Variants in CHIC1 observed in about 807,000 individuals in gnomAD.
CHIC1 encodes cysteine-rich hydrophobic domain-containing protein 1.
In CHIC1, 7 loss-of-function variants were observed where a neutral mutation model predicts 18.5. The ratio of observed to expected loss-of-function variants is 0.38; its 90% CI spans 0.22 to 0.71. The LOEUF is 0.71. CHIC1 is among the 30% of genes least tolerant of loss of function. The pLI is 0.49. For synonymous variants in CHIC1, 77 were observed against 73.5 expected, an observed-to-expected ratio of 1.05 and a Z score of -0.25; for missense variants, 159 against 176.9, an observed-to-expected ratio of 0.90 and a Z score of 0.57.
intron 3 of CHIC1, among the ~76,000 whole-genome samples, chrX:73,669,488 C>T (rs909302937): frequency 2.7e-5 from 3 of 110,558 alleles, no homozygotes; most frequent in Non-Finnish European, 5.7e-5. Flanking sequence ...GGTGACCCTC[C>T]TCCTCCACCC....
chrX:73,673,960 G>C (rs142502985), intron 3 of CHIC1, among the ~76,000 whole-genome samples: 4,469 of 111,630 alleles, frequency 0.04, 115 homozygotes, highest in Non-Finnish European at 0.064. Flanking sequence ...TAGCATGAAG[G>C]GTTGTTGAAT....
chrX:73,674,654 A>G (rs1309695228), intron 3 of CHIC1, among the ~76,000 whole-genome samples: 2 of 111,213 alleles, frequency 1.8e-5, no homozygotes, highest in East Asian at 2.8e-4. Context: ...CTAGCGGTCT[A>G]TCAATTTTGT....
intron 3 of CHIC1, among the ~76,000 whole-genome samples, chrX:73,637,386 G>A (rs981254490): frequency 1.5e-4 from 16 of 108,628 alleles, no homozygotes; most frequent in African/African-American, 5.0e-4. Context: ...ACATCATTGA[G>A]CTTGGATTTG....
intron 3 of CHIC1, among the ~76,000 whole-genome samples, chrX:73,668,853 C>T (rs1038299728): frequency 8.9e-6 from 1 of 112,614 alleles, no homozygotes; most frequent in Admixed American, 9.4e-5. Flanking sequence ...AGCATTCTGG[C>T]TGCATTTTGG....
chrX:73,642,089 G>A (rs995880338), intron 3 of CHIC1, among the ~76,000 whole-genome samples: 11 of 111,612 alleles, frequency 9.9e-5, no homozygotes, highest in African/African-American at 6.5e-5. Context: ...CTGAGGAATC[G>A]CCACACTGAC....
chrX:73,663,992 C>G (rs902785072), intron 3 of CHIC1, among the ~76,000 whole-genome samples: 1 of 111,634 alleles, frequency 9.0e-6, no homozygotes, highest in East Asian at 2.8e-4. Flanking sequence ...ATCCCAGTTG[C>G]AACCCTTTTA....
At chrX:73,633,646 C>T (rs2057818404) in intron 3 of CHIC1, among the ~76,000 whole-genome samples, 1 of 110,936 alleles carries the variant, frequency 9.0e-6, no homozygotes, top group African/African-American at 3.3e-5. Context: ...TTTTTCTGCT[C>T]CTTCATTGAC....
At chrX:73,609,375 C>A (rs1326847396) in intron 3 of CHIC1, among the ~76,000 whole-genome samples, 2 of 107,879 alleles carry the variant, frequency 1.9e-5, no homozygotes, top group African/African-American at 3.6e-5. Context: ...GAGTAAGTTT[C>A]TTTCCATTCC....
chrX:73,650,647 G>A (rs1164938631), intron 3 of CHIC1, among the ~76,000 whole-genome samples: 1 of 94,594 alleles, frequency 1.1e-5, no homozygotes, highest in African/African-American at 4.1e-5. Flanking sequence ...TCGAATTCTT[G>A]AATAGACCAA....
Position 73,576,827 on chromosome X carries a change from C to T in CHIC1, c.297-580C>T, listed in dbSNP as rs754513568. ...TGAGTGTACTGGAAAAGAGAGTTTT[C>T]AAGTCTGGGATCTGTTTTCTCAAAA... On this transcript the variant is annotated intron_variant, in intron 1 of 5. Coordinates refer to ENST00000373502, the MANE Select transcript of CHIC1 (RefSeq NM_001039840.4). 3.6e-5 allele frequency among the ~76,000 whole-genome samples: 4 copies of T among 110,545 alleles called. No homozygotes were observed. In the East Asian group the frequency reaches 1.1e-3, roughly 31 times the overall value.
chrX:73,612,087 T>C (rs1462630243), intron 3 of CHIC1, among the ~76,000 whole-genome samples: 3 of 110,269 alleles, frequency 2.7e-5, no homozygotes, highest in Non-Finnish European at 3.8e-5. Flanking sequence ...AGACATGAAG[T>C]CCTTGCCCAT....
At chrX:73,602,407 G>A (rs1442965262) in intron 3 of CHIC1, among the ~76,000 whole-genome samples, 1 of 108,461 alleles carries the variant, frequency 9.2e-6, no homozygotes, top group Non-Finnish European at 1.9e-5. Context: ...TGTAGATTCT[G>A]GAGATTAGCC....
At chrX:73,579,796 T>C (rs1039812894) in intron 2 of CHIC1, among the ~76,000 whole-genome samples, 8 of 110,871 alleles carry the variant, frequency 7.2e-5, no homozygotes, top group African/African-American at 2.6e-4. Flanking sequence ...TTATATGAAT[T>C]AATCATAAAT....
At chrX:73,672,231 G>T (rs1166570512) in intron 3 of CHIC1, among the ~76,000 whole-genome samples, 1 of 111,744 alleles carries the variant, frequency 8.9e-6, no homozygotes, top group Non-Finnish European at 1.9e-5. Context: ...ATAAACATAC[G>T]TGTGCATGTG....
At chrX:73,583,393 T>G (rs1254456982) in intron 2 of CHIC1, among the ~76,000 whole-genome samples, 1 of 111,324 alleles carries the variant, frequency 9.0e-6, no homozygotes, top group East Asian at 2.8e-4. Flanking sequence ...GTACAATTTT[T>G]ATTTGGAATA....
chrX:73,675,685 A>G (rs1424124900), intron 3 of CHIC1, among the ~76,000 whole-genome samples: 1 of 111,377 alleles, frequency 9.0e-6, no homozygotes, highest in East Asian at 2.8e-4. Context: ...CTCTTTATCC[A>G]ATTTGCCAGT....
At chrX:73,603,967 T>G (rs1205027058) in intron 3 of CHIC1, among the ~76,000 whole-genome samples, 1 of 108,650 alleles carries the variant, frequency 9.2e-6, no homozygotes, top group East Asian at 2.8e-4. Flanking sequence ...ATTTTCTTTT[T>G]TTGTTGTTGT....
intron 1 of CHIC1, among the ~76,000 whole-genome samples, chrX:73,570,463 G>A (rs1039089003): frequency 3.6e-5 from 4 of 111,143 alleles, no homozygotes; most frequent in African/African-American, 1.3e-4. Context: ...ACATAGGAGA[G>A]GGAAGGTGCA....
chrX:73,672,047 G>C (rs1415622204), intron 3 of CHIC1, among the ~76,000 whole-genome samples: 1 of 111,326 alleles, frequency 9.0e-6, no homozygotes, highest in Non-Finnish European at 1.9e-5. Context: ...GCGATAGTTT[G>C]CTGAGAATGA....
Sources: allele counts gnomAD v4.1 joint callset (sites outside exome capture counted in the v4.1 genomes callset), GRCh38; gene constraint gnomAD v4.1.1; transcripts MANE v1.5; gene names NCBI Gene and HGNC (gene_info 2026-07-23, HGNC 2026-07-21).